CHODL: variants seen among roughly 807,000 people sequenced by gnomAD.
CHODL encodes chondrolectin.
A neutral mutation model predicts 34.5 loss-of-function variants in CHODL; 29 were observed. The ratio of observed to expected loss-of-function variants is 0.84; its 90% CI spans 0.63 to 1.15. The LOEUF is 1.15. CHODL is among the 50% of genes most tolerant of loss of function. The pLI, the probability that CHODL is intolerant of heterozygous loss-of-function variation, is 0.00. For missense variants in CHODL, 332 were observed against 332.5 expected, an observed-to-expected ratio of 1.00 and a Z score of 0.01; for synonymous variants, 125 against 116.1, an observed-to-expected ratio of 1.08 and a Z score of -0.49.
chr21:18,190,670 A>G (rs1220237834), intron 2 of CHODL, among the ~76,000 whole-genome samples: 1 of 152,190 alleles, frequency 6.6e-6, no homozygotes, highest in African/African-American at 2.4e-5. Context: ...AATTCTAGGG[A>G]AAGTTGAGAC....
rs7275730 is a variant in CHODL, at chr21:18,187,450, G to A, written c.-44-69059G>A. 4.3e-3 allele frequency among the ~76,000 whole-genome samples: 660 copies of A among 152,034 alleles called. 2 individuals carry two copies. The highest frequency in any genetic ancestry group is 8.0e-3 in the African/African-American group (333 of 41,492). On this transcript the variant is annotated intron_variant, in intron 2 of 6. Coordinates refer to the CHODL transcript ENST00000400127. ...TTTGATTTCTCTCTCTCATGACACC[G>A]TCACATTTTCTGCTATTTCCCATGG...
intron 1 of CHODL, among the ~76,000 whole-genome samples, chr21:17,922,271 A>G (rs543228022): frequency 1.7e-4 from 26 of 151,944 alleles, no homozygotes; most frequent in Non-Finnish European, 3.4e-4. Flanking sequence ...GGGGAAATTT[A>G]TCTGTGAGCT....
intron 1 of CHODL, among the ~76,000 whole-genome samples, chr21:18,002,254 T>C (rs2063913769): frequency 6.6e-6 from 1 of 152,216 alleles, no homozygotes; most frequent in Non-Finnish European, 1.5e-5. Flanking sequence ...ATACTGACCC[T>C]AGCTATTTAT....
intron 2 of CHODL, among the ~76,000 whole-genome samples, chr21:18,161,596 T>G (rs1393470539): frequency 6.6e-6 from 1 of 152,194 alleles, no homozygotes; most frequent in African/African-American, 2.4e-5. Context: ...CTTTTTACTT[T>G]TTATTTTTTT....
At chr21:18,028,998 A>C (rs1263747847) in intron 2 of CHODL, among the ~76,000 whole-genome samples, 1 of 152,162 alleles carries the variant, frequency 6.6e-6, no homozygotes, top group Non-Finnish European at 1.5e-5. Context: ...CACATGAAAA[A>C]TTATGAAGTG....
At chr21:18,248,207 T>C (rs2074167496) in intron 1 of CHODL, among the ~76,000 whole-genome samples, 1 of 151,828 alleles carries the variant, frequency 6.6e-6, no homozygotes, top group Non-Finnish European at 1.5e-5. Flanking sequence ...TCTCTTCTTA[T>C]CCTGTGGATA....
intron 2 of CHODL, among the ~76,000 whole-genome samples, chr21:18,060,046 CTT>C (rs2064638334): frequency 6.6e-6 from 1 of 152,160 alleles, no homozygotes; most frequent in Non-Finnish European, 1.5e-5. Context: ...ATTTCAAACA[CTT>C]TCTTCCAAGG....
intron 1 of CHODL, among the ~76,000 whole-genome samples, chr21:18,001,635 G>T (rs1453621381): frequency 6.6e-6 from 1 of 152,036 alleles, no homozygotes; most frequent in African/African-American, 2.4e-5. Flanking sequence ...GCTTCTTCGT[G>T]AGTTTTTTTA....
Position 18,211,168 on chromosome 21 carries a change from A to ACT in CHODL, c.-44-45339_-44-45338dup, listed in dbSNP as rs199603358. Among the ~76,000 whole-genome samples the ACT allele has an allele frequency of 3.2e-3, 435 of 133,864 alleles. 1 individual carries two copies. The highest frequency in any genetic ancestry group is 0.01 in the African/African-American group (401 of 38,214). 87.8% of individuals were successfully genotyped at this position (133,864 alleles called of 152,430 possible). A position where few individuals can be genotyped will look rare whatever the true frequency, so the allele number is the denominator to read the frequency against. Reference sequence around the variant, plus strand: ...CACACACACACACACACACACACACACTCACACTCACACCCTGGCCGCATT... The same window carrying ACT: ...CACACACACACACACACACACACACACTCTCACACTCACACCCTGGCCGCATT... On this transcript the variant is annotated intron_variant, in intron 2 of 6. Coordinates refer to the CHODL transcript ENST00000400127.
chr21:17,991,832 A>G (rs913815313), intron 1 of CHODL, among the ~76,000 whole-genome samples: 3 of 152,110 alleles, frequency 2.0e-5, no homozygotes, highest in Non-Finnish European at 4.4e-5. Flanking sequence ...AGTTTAATAT[A>G]GTACCATTTG....
intron 2 of CHODL, among the ~76,000 whole-genome samples, chr21:18,062,423 G>T (rs563166614): frequency 3.1e-4 from 47 of 151,382 alleles, no homozygotes; most frequent in African/African-American, 1.1e-3. Flanking sequence ...TGGCCACGCT[G>T]GTCTCGAATT....
chr21:18,218,288 C>T (rs941556349), intron 2 of CHODL, among the ~76,000 whole-genome samples: 6 of 152,220 alleles, frequency 3.9e-5, no homozygotes, highest in African/African-American at 1.4e-4. Context: ...TCCCAAACCT[C>T]AGTTCTTAAC....
chr21:18,204,465 G>A (rs771309682), intron 2 of CHODL, among the ~76,000 whole-genome samples: 5 of 152,044 alleles, frequency 3.3e-5, no homozygotes, highest in Non-Finnish European at 7.4e-5. Context: ...TGCCATGATG[G>A]ATGCTTATCT....
chr21:17,984,151 A>G (rs956726654), intron 1 of CHODL, among the ~76,000 whole-genome samples: 1 of 152,198 alleles, frequency 6.6e-6, no homozygotes. Flanking sequence ...GGAATCATGC[A>G]GTGGTTATCC....
chr21:18,005,721 G>A (rs1490306357), intron 1 of CHODL, among the ~76,000 whole-genome samples: 1 of 152,126 alleles, frequency 6.6e-6, no homozygotes, highest in Admixed American at 6.5e-5. Context: ...GAGGAGCTAG[G>A]CCCCTTTTGT....
At chr21:18,124,328 G>T (rs1007434735) in intron 2 of CHODL, among the ~76,000 whole-genome samples, 13 of 152,048 alleles carry the variant, frequency 8.5e-5, no homozygotes. Context: ...ACCCTCCCCT[G>T]CCACTCCCAC....
chr21:18,201,858 G>A (rs1273855623), intron 2 of CHODL, among the ~76,000 whole-genome samples: 1 of 142,826 alleles, frequency 7.0e-6, no homozygotes, highest in Non-Finnish European at 1.5e-5. Context: ...AGGCTGGAGT[G>A]CAGTGGCGCG....
intron 2 of CHODL, among the ~76,000 whole-genome samples, chr21:18,193,323 A>C (rs535255747): frequency 2.0e-5 from 3 of 152,138 alleles, no homozygotes; most frequent in Non-Finnish European, 4.4e-5. Context: ...CCAGTGTACA[A>C]ATTTGAGAAA....
chr21:18,175,311 T>A (rs2073292355), intron 2 of CHODL, among the ~76,000 whole-genome samples: 1 of 152,154 alleles, frequency 6.6e-6, no homozygotes, highest in South Asian at 2.1e-4. Flanking sequence ...TGCCACTGTG[T>A]ACCAGGTAGT....
Sources: gnomAD v4.1 joint callset for allele counts (sites outside exome capture counted in the v4.1 genomes callset) on GRCh38, gnomAD v4.1.1 for gene constraint, MANE v1.5 for transcripts, NCBI Gene and HGNC (gene_info 2026-07-23, HGNC 2026-07-21) for gene names.